Variants in FRAS1 observed in about 807,000 individuals in gnomAD.
FRAS1 encodes extracellular matrix organizing protein FRAS1.
FRAS1 carries 290 observed loss-of-function variants against 435.2 expected under a neutral mutation model. That is an observed-to-expected ratio of 0.67 (90% CI 0.61 to 0.73). FRAS1 has a LOEUF of 0.73. FRAS1 is among the 30% of genes least tolerant of loss of function. FRAS1 has a pLI of 0.00. For synonymous variants in FRAS1, 1,800 were observed against 1,851.0 expected, an observed-to-expected ratio of 0.97 and a Z score of 0.71; for missense variants, 4,860 against 5,001.5, an observed-to-expected ratio of 0.97 and a Z score of 0.85.
At chr4:78,115,769 T>G (rs1743121756) in intron 2 of FRAS1, among the ~76,000 whole-genome samples, 1 of 152,178 alleles carries the variant, frequency 6.6e-6, no homozygotes, top group African/African-American at 2.4e-5. Context: ...GTTGATCTTT[T>G]CAAAAAATCA....
intron 2 of FRAS1, among the ~76,000 whole-genome samples, chr4:78,088,943 G>T (rs929185536): frequency 6.6e-5 from 10 of 152,116 alleles, no homozygotes; most frequent in Admixed American, 2.0e-4. Flanking sequence ...ATACCCAAAG[G>T]ATTATAAATC....
At chr4:78,340,010 G>A (rs775120324) in intron 20 of FRAS1, among the ~76,000 whole-genome samples, 1 of 152,056 alleles carries the variant, frequency 6.6e-6, no homozygotes, top group South Asian at 2.1e-4. Flanking sequence ...TTATGCTAGG[G>A]CATATTTAAA....
intron 2 of FRAS1, among the ~76,000 whole-genome samples, chr4:78,088,611 G>A (rs1324382111): frequency 6.6e-6 from 1 of 152,152 alleles, no homozygotes; most frequent in Admixed American, 6.5e-5. Flanking sequence ...ATCAAAAAGT[G>A]GGCAAAGGAT....
intron 2 of FRAS1, among the ~76,000 whole-genome samples, chr4:78,213,388 T>G (rs541500198): frequency 5.5e-4 from 84 of 152,372 alleles, no homozygotes; most frequent in Non-Finnish European, 1.2e-4. Context: ...ACACGATATT[T>G]CCATTGACTT....
intron 22 of FRAS1, 151 bp from the exon 23 acceptor site, chr4:78,369,687 G>A (rs1267179838): frequency 2.0e-6 from 1 of 499,094 alleles, no homozygotes. Flanking sequence ...TTCTGTTTTT[G>A]TTGATCACAG....
intron 5 of FRAS1, among the ~76,000 whole-genome samples, chr4:78,252,851 A>G (rs1725608129): frequency 6.6e-6 from 1 of 152,142 alleles, no homozygotes; most frequent in Non-Finnish European, 1.5e-5. Flanking sequence ...ACATGCTTCA[A>G]AGGGCAATAA....
intron 20 of FRAS1, among the ~76,000 whole-genome samples, chr4:78,345,683 C>A (rs1292510077): frequency 1.3e-5 from 2 of 151,718 alleles, no homozygotes; most frequent in Admixed American, 6.6e-5. Flanking sequence ...ATTGCATATC[C>A]ACCCTCTCTA....
rs775265405 is a variant in FRAS1, at chr4:78,513,379, T to G, written c.10014-13T>G. ...AGTCAGCTAAACATTTATTTCTGCC[T>G]TTTTCCCCCTAGAATCCACATTTCG... On this transcript the variant is annotated splice_polypyrimidine_tract_variant and intron_variant, in intron 64 of 73. Transcript: ENST00000512123. 5.6e-6 allele frequency: 9 copies of G among 1,608,170 alleles called. No homozygotes were observed. Among genetic ancestry groups the G allele is most frequent in the Non-Finnish European group, 7.7e-6 (9 of 1,175,912 alleles).
intron 18 of FRAS1, among the ~76,000 whole-genome samples, chr4:78,324,803 C>T (rs1048092409): frequency 6.9e-6 from 1 of 144,434 alleles, no homozygotes. Context: ...AGCTCTGTCG[C>T]CATTAAACAA....
At chr4:78,357,479 C>G (rs1351684390) in intron 20 of FRAS1, among the ~76,000 whole-genome samples, 1 of 152,142 alleles carries the variant, frequency 6.6e-6, no homozygotes, top group African/African-American at 2.4e-5. Flanking sequence ...CAGGCAGGAG[C>G]AAAGGGAATG....
chr4:78,375,228 A>G (rs1422291056), intron 25 of FRAS1, among the ~76,000 whole-genome samples: 1 of 152,246 alleles, frequency 6.6e-6, no homozygotes, highest in Non-Finnish European at 1.5e-5. Context: ...AATAAGAGAT[A>G]CAATGGTGGT....
intron 5 of FRAS1, among the ~76,000 whole-genome samples, chr4:78,254,418 AT>A (rs1338072729): frequency 1.3e-5 from 2 of 152,328 alleles, no homozygotes; most frequent in Non-Finnish European, 1.5e-5. Flanking sequence ...GGATGAAAAA[AT>A]ATGCCCAAGA....
chr4:78,179,483 G>A (rs1440753058), intron 2 of FRAS1, among the ~76,000 whole-genome samples: 14 of 152,192 alleles, frequency 9.2e-5, no homozygotes, highest in Non-Finnish European at 1.8e-4. Flanking sequence ...TTAAAAATGT[G>A]AGTTGTATAA....
At chr4:78,220,218 A>G (rs1026160733) in intron 2 of FRAS1, among the ~76,000 whole-genome samples, 2 of 152,252 alleles carry the variant, frequency 1.3e-5, no homozygotes, top group Non-Finnish European at 2.9e-5. Flanking sequence ...GCAGTAGATT[A>G]GACGTTCATG....
At chr4:78,453,167 G>A (rs943402096) in intron 47 of FRAS1, among the ~76,000 whole-genome samples, 3 of 152,252 alleles carry the variant, frequency 2.0e-5, no homozygotes, top group African/African-American at 7.2e-5. Context: ...AATTTAATAG[G>A]CAATAGTGAG....
intron 66 of FRAS1, among the ~76,000 whole-genome samples, chr4:78,518,121 AAAACAAACAAAC>A (rs71661172): frequency 2.9e-4 from 44 of 149,570 alleles, no homozygotes; most frequent in African/African-American, 4.5e-4. Context: ...CATCTCTTGA[AAAACAAACAAAC>A]AAACAAACAA....
intron 4 of FRAS1, 67 bp from the exon 5 acceptor site, chr4:78,252,325 A>G (rs1234806473): frequency 2.0e-6 from 3 of 1,467,084 alleles, no homozygotes; most frequent in African/African-American, 1.4e-5. Context: ...ATTTGTTTCT[A>G]TTTGGCTGAA....
chr4:78,346,456 G>A (rs1012684941), intron 20 of FRAS1, among the ~76,000 whole-genome samples: 1 of 152,110 alleles, frequency 6.6e-6, no homozygotes. Context: ...TCCTGGAGCT[G>A]GGCTCTGAAT....
chr4:78,128,580 C>T (rs911889085), intron 2 of FRAS1, among the ~76,000 whole-genome samples: 15 of 152,146 alleles, frequency 9.9e-5, no homozygotes, highest in African/African-American at 3.6e-4. Flanking sequence ...TCATATCCTT[C>T]ACCCACTTGT....
Sources: gnomAD v4.1 joint callset for allele counts (sites outside exome capture counted in the v4.1 genomes callset) on GRCh38, gnomAD v4.1.1 for gene constraint, MANE v1.5 for transcripts, NCBI Gene and HGNC (gene_info 2026-07-23, HGNC 2026-07-21) for gene names.